Variants in DPP6 observed in about 807,000 individuals in gnomAD.
The protein encoded by DPP6 is dipeptidyl peptidase like 6.
DPP6 carries 69 observed loss-of-function variants against 122.6 expected under a neutral mutation model. That is an observed-to-expected ratio of 0.56 (90% confidence interval 0.46 to 0.69). The LOEUF (loss-of-function observed/expected upper bound fraction) is 0.69. Among genes scored for constraint, DPP6 ranks in the 30% least tolerant of loss-of-function variants. The pLI, the probability that DPP6 is intolerant of heterozygous loss-of-function variation, is 0.00. For missense variants in DPP6, 928 were observed against 1,116.9 expected (o/e 0.83, Z 2.41); for synonymous variants, 418 against 433.1 (o/e 0.97, Z 0.43).
the DPP6 span, among the ~76,000 whole-genome samples, chr7:153,782,391 C>A: frequency 1.2e-3 from 190 of 152,094 alleles, 1 homozygote; most frequent in African/African-American, 4.3e-3. Context: ...GGAAGCGAAC[C>A]GTGGCACTGT....
At chr7:154,709,727 C>A (rs1841058088) in intron 7 of DPP6, among the ~76,000 whole-genome samples, 1 of 152,070 alleles carries the variant, frequency 6.6e-6, no homozygotes, top group South Asian at 2.1e-4. Context: ...TTCAAAAAAA[C>A]CCAACACTCC....
At chr7:154,718,946 G>A (rs1841649463) in intron 7 of DPP6, among the ~76,000 whole-genome samples, 1 of 151,924 alleles carries the variant, frequency 6.6e-6, no homozygotes, top group African/African-American at 2.4e-5. Flanking sequence ...TCTGCCTTTG[G>A]GTCACATCTA....
At chr7:154,836,349 C>T (rs1801053717) in intron 16 of DPP6, among the ~76,000 whole-genome samples, 2 of 152,222 alleles carry the variant, frequency 1.3e-5, no homozygotes, top group Non-Finnish European at 2.9e-5. Flanking sequence ...CTCACCCATG[C>T]CCAACCCACC....
intron 1 of DPP6, among the ~76,000 whole-genome samples, chr7:154,384,972 T>TTTTA (rs1157453151): frequency 1.3e-5 from 2 of 151,854 alleles, no homozygotes; most frequent in Non-Finnish European, 2.9e-5. Flanking sequence ...GTTTTTTAAA[T>TTTTA]TTTATTTATT....
intron 1 of DPP6, among the ~76,000 whole-genome samples, chr7:154,060,032 G>A (rs542510826): frequency 2.0e-4 from 30 of 151,128 alleles, no homozygotes; most frequent in East Asian, 9.8e-4. Flanking sequence ...CACCCCCCGC[G>A]AGGCGGGGAC....
intron 1 of DPP6, among the ~76,000 whole-genome samples, chr7:154,254,677 T>C (rs1802548210): frequency 6.6e-6 from 1 of 152,078 alleles, no homozygotes; most frequent in Non-Finnish European, 1.5e-5. Context: ...GTATGGGTAG[T>C]AAGTGGATTA....
chr7:154,315,339 A>G (rs1807340277), intron 1 of DPP6, among the ~76,000 whole-genome samples: 1 of 152,186 alleles, frequency 6.6e-6, no homozygotes, highest in Admixed American at 6.5e-5. Flanking sequence ...AACATCTGGA[A>G]ATTTTATTTG....
intron 4 of DPP6, among the ~76,000 whole-genome samples, chr7:154,548,777 G>A (rs2130351876): frequency 6.6e-6 from 1 of 152,302 alleles, no homozygotes; most frequent in South Asian, 2.1e-4. Flanking sequence ...TATAAAAGAA[G>A]TAGTTGTTTT....
At chr7:154,610,683 T>A (rs1348160821) in intron 5 of DPP6, among the ~76,000 whole-genome samples, 3 of 150,716 alleles carry the variant, frequency 2.0e-5, no homozygotes, top group Admixed American at 1.3e-4. Context: ...GTTTTTTTTT[T>A]ATTATTTGTG....
chr7:154,014,051 T>A (rs902651891), intron 1 of DPP6, among the ~76,000 whole-genome samples: 1 of 152,102 alleles, frequency 6.6e-6, no homozygotes, highest in Non-Finnish European at 1.5e-5. Context: ...CTTCCTTAGG[T>A]TCTAGAACCA....
At chr7:154,031,965 C>T (rs746724962) in intron 1 of DPP6, among the ~76,000 whole-genome samples, 21 of 150,748 alleles carry the variant, frequency 1.4e-4, no homozygotes, top group Non-Finnish European at 2.8e-4. Flanking sequence ...GGCTTCATGC[C>T]ATTCTCCTGC....
chr7:154,296,191 G>A (rs1313470422), intron 1 of DPP6, among the ~76,000 whole-genome samples: 10 of 151,962 alleles, frequency 6.6e-5, no homozygotes, highest in African/African-American at 2.4e-4. Flanking sequence ...TGATCCGCCT[G>A]CCTCGGCCTC....
chr7:154,835,181 C>G (rs1445037499), intron 16 of DPP6, among the ~76,000 whole-genome samples: 1 of 152,110 alleles, frequency 6.6e-6, no homozygotes, highest in Non-Finnish European at 1.5e-5. Context: ...TGAGGCCATA[C>G]TGGAGTAGGA....
chr7:154,375,498 G>T (rs756320112), intron 1 of DPP6, among the ~76,000 whole-genome samples: 2 of 152,160 alleles, frequency 1.3e-5, no homozygotes, highest in Non-Finnish European at 2.9e-5. Context: ...ATTTGGAAGT[G>T]AATTATTTGG....
intron 3 of DPP6, among the ~76,000 whole-genome samples, chr7:154,505,194 A>G (rs1332342573): frequency 2.0e-5 from 3 of 152,170 alleles, no homozygotes; most frequent in African/African-American, 7.2e-5. Flanking sequence ...CTCTCAGCCC[A>G]TACTAATCCT....
At chr7:154,675,659 CAGA>C (rs1256017869) in intron 7 of DPP6, among the ~76,000 whole-genome samples, 6 of 152,226 alleles carry the variant, frequency 3.9e-5, no homozygotes, top group African/African-American at 1.4e-4. Flanking sequence ...ATCCCGGATG[CAGA>C]AGAAGGACAT....
At chr7:153,896,283 A>T (rs963668308) in intron 1 of DPP6, among the ~76,000 whole-genome samples, 3 of 152,130 alleles carry the variant, frequency 2.0e-5, no homozygotes, top group African/African-American at 7.3e-5. Flanking sequence ...TAACAGTCTC[A>T]TACGTTTCAT....
chr7:154,881,093 C>G, intron 21 of DPP6, 151 bp downstream of exon 21: 1 of 1,270,618 alleles, frequency 7.9e-7, no homozygotes, highest in Non-Finnish European at 1.0e-6. Flanking sequence ...CTTAGTGATT[C>G]CAGCCGTGGG....
intron 2 of DPP6, among the ~76,000 whole-genome samples, chr7:154,454,297 G>A (rs1324688328): frequency 6.6e-6 from 1 of 152,216 alleles, no homozygotes; most frequent in Non-Finnish European, 1.5e-5. Context: ...CTCTGATCAT[G>A]AAACACAGAG....
Sources: gnomAD v4.1 joint callset for allele counts (sites outside exome capture counted in the v4.1 genomes callset) on GRCh38, gnomAD v4.1.1 for gene constraint, MANE v1.5 for transcripts, NCBI Gene and HGNC (gene_info 2026-07-23, HGNC 2026-07-21) for gene names.